SYT9: variants seen among roughly 807,000 people sequenced by gnomAD.
SYT9 encodes the protein synaptotagmin-9.
In SYT9, 22 loss-of-function variants were observed where a neutral mutation model predicts 48.4. The observed-to-expected ratio is 0.45, with a 90% CI of 0.32 to 0.65. The LOEUF is 0.65. Ranked by LOEUF, SYT9 falls within the 30% of genes least tolerant of loss-of-function variation. SYT9 has a pLI of 0.03. For missense variants in SYT9, 577 were observed against 622.0 expected (o/e 0.93, Z 0.77); for synonymous variants, 265 against 245.0 (o/e 1.08, Z -0.76).
intron 3 of SYT9, among the ~76,000 whole-genome samples, chr11:7,318,833 A>G (rs1235985259): frequency 6.6e-6 from 1 of 152,206 alleles, no homozygotes. Context: ...TGATCTTGAT[A>G]TAGTACATTT....
intron 3 of SYT9, among the ~76,000 whole-genome samples, chr11:7,353,032 G>T (rs1180919529): frequency 6.6e-6 from 1 of 152,082 alleles, no homozygotes; most frequent in Non-Finnish European, 1.5e-5. Flanking sequence ...CATATATGGG[G>T]TATGTGCCCC....
intron 3 of SYT9, among the ~76,000 whole-genome samples, chr11:7,346,426 A>G (rs1449745307): frequency 6.6e-6 from 1 of 152,174 alleles, no homozygotes; most frequent in Non-Finnish European, 1.5e-5. Context: ...GCTTTTGATA[A>G]AACTCTTCTT....
intron 1 of SYT9, among the ~76,000 whole-genome samples, chr11:7,253,462 AGT>A (rs1208599276): frequency 1.3e-5 from 2 of 152,222 alleles, no homozygotes; most frequent in Non-Finnish European, 2.9e-5. Flanking sequence ...ATTTATAAAG[AGT>A]GTCACACTGA....
At chr11:7,379,324 G>C (rs1462559051) in intron 3 of SYT9, among the ~76,000 whole-genome samples, 2 of 152,112 alleles carry the variant, frequency 1.3e-5, no homozygotes, top group Non-Finnish European at 2.9e-5. Context: ...TCCTGTGTCA[G>C]GTGCACCAAG....
chr11:7,398,656 T>C (rs928244506), intron 3 of SYT9, among the ~76,000 whole-genome samples: 4 of 152,166 alleles, frequency 2.6e-5, no homozygotes, highest in African/African-American at 9.7e-5. Flanking sequence ...TATAGTGTTT[T>C]GTCTAGTTTT....
intron 1 of SYT9, among the ~76,000 whole-genome samples, chr11:7,269,259 T>A (rs1848251895): frequency 6.6e-6 from 1 of 151,986 alleles, no homozygotes; most frequent in African/African-American, 2.4e-5. Context: ...GTTGAGATAA[T>A]TGAGTAACTA....
At chr11:7,304,709 G>T (rs7951816) in intron 2 of SYT9, among the ~76,000 whole-genome samples, 1 of 152,068 alleles carries the variant, frequency 6.6e-6, no homozygotes, top group Admixed American at 6.6e-5. Context: ...GTTGTCTGCC[G>T]TTTGATTTAG....
chr11:7,395,558 C>G (rs954682821), intron 3 of SYT9, among the ~76,000 whole-genome samples: 2 of 151,968 alleles, frequency 1.3e-5, no homozygotes, highest in Non-Finnish European at 2.9e-5. Context: ...ATAGTTAAGT[C>G]TTCTTGTTGA....
At chr11:7,251,628 A>G (rs1283008447), upstream of SYT9, among the ~76,000 whole-genome samples, 1 of 152,136 alleles carries the variant, frequency 6.6e-6, no homozygotes, top group Non-Finnish European at 1.5e-5. Flanking sequence ...TGCTTTGGAC[A>G]CACTCGGCGG....
At chr11:7,379,686 A>G (rs1850524324) in intron 3 of SYT9, among the ~76,000 whole-genome samples, 1 of 151,874 alleles carries the variant, frequency 6.6e-6, no homozygotes, top group African/African-American at 2.4e-5. Flanking sequence ...GTTCCTCATT[A>G]CTCCTTATGT....
At chr11:7,269,599 G>A (rs1172153383) in intron 1 of SYT9, among the ~76,000 whole-genome samples, 1 of 151,892 alleles carries the variant, frequency 6.6e-6, no homozygotes, top group Non-Finnish European at 1.5e-5. Context: ...ATGGCTGCTG[G>A]AATTCCAGCA....
At chr11:7,360,185 G>A (rs1213412098) in intron 3 of SYT9, among the ~76,000 whole-genome samples, 1 of 152,118 alleles carries the variant, frequency 6.6e-6, no homozygotes, top group African/African-American at 2.4e-5. Context: ...TATTTCTGAG[G>A]GCTCTGTTCT....
At chr11:7,273,262 A>G (rs1461934408) in intron 1 of SYT9, among the ~76,000 whole-genome samples, 1 of 152,190 alleles carries the variant, frequency 6.6e-6, no homozygotes, top group Non-Finnish European at 1.5e-5. Context: ...AAATGAAAAA[A>G]AGAGTTTCAA....
chr11:7,382,168 T>C (rs1239975244), intron 3 of SYT9, among the ~76,000 whole-genome samples: 2 of 152,192 alleles, frequency 1.3e-5, no homozygotes, highest in Non-Finnish European at 2.9e-5. Flanking sequence ...GATCCTATGA[T>C]ATTAGCTTGT....
chr11:7,267,623 C>CAAAT (rs1409032736), intron 1 of SYT9, among the ~76,000 whole-genome samples: 2 of 146,368 alleles, frequency 1.4e-5, no homozygotes, highest in African/African-American at 5.1e-5. Context: ...TTGTTAATAG[C>CAAAT]AAATAAATAC....
intron 3 of SYT9, among the ~76,000 whole-genome samples, chr11:7,330,771 A>G (rs999225940): frequency 6.6e-6 from 1 of 152,118 alleles, no homozygotes; most frequent in Non-Finnish European, 1.5e-5. Flanking sequence ...ATCTTGGCTC[A>G]CTGCAACCTT....
At chr11:7,362,409 G>T (rs1307036819) in intron 3 of SYT9, among the ~76,000 whole-genome samples, 1 of 151,942 alleles carries the variant, frequency 6.6e-6, no homozygotes, top group Non-Finnish European at 1.5e-5. Context: ...GGCTGGGATT[G>T]CAGGCCTGAA....
chr11:7,444,528 A>G (rs781340088), intron 6 of SYT9: 2 of 152,222 alleles, frequency 1.3e-5, no homozygotes, highest in African/African-American at 4.8e-5. Context: ...TTAACCATCA[A>G]TTAAATCATT....
At chr11:7,455,205 G>GAA (rs11372744) in intron 6 of SYT9, among the ~76,000 whole-genome samples, 17 of 150,592 alleles carry the variant, frequency 1.1e-4, no homozygotes, top group Admixed American at 3.3e-4. Flanking sequence ...CTTTCACTGA[G>GAA]AAAAAAAAAG....
Sources: gnomAD v4.1 joint callset for allele counts (sites outside exome capture counted in the v4.1 genomes callset) on GRCh38, gnomAD v4.1.1 for gene constraint, MANE v1.5 for transcripts, NCBI Gene and HGNC (gene_info 2026-07-23, HGNC 2026-07-21) for gene names.